PCDHA2: variants seen among roughly 807,000 people sequenced by gnomAD.
The protein encoded by PCDHA2 is protocadherin alpha-2.
Under a neutral mutation model 66.0 loss-of-function variants are expected in PCDHA2, and 58 were observed. The observed-to-expected ratio is 0.88, with a 90% CI of 0.71 to 1.09. PCDHA2 has a LOEUF of 1.09. PCDHA2 is among the 50% of genes least tolerant of loss of function. The probability of loss-of-function intolerance (pLI) is 0.00; values close to 1 mark genes in which losing one functional copy is unlikely to be tolerated. For missense variants in PCDHA2, 1,267 were observed against 1,242.3 expected (o/e 1.02, Z -0.30); for synonymous variants, 634 against 554.0 (o/e 1.14, Z -2.03).
In PCDHA2 at chr5:140,851,227, T is replaced by C; in HGVS notation, c.2388+53875T>C. On this transcript the variant is annotated intron_variant, in intron 1 of 3. Coordinates refer to ENST00000526136, the MANE Select transcript of PCDHA2 (RefSeq NM_018905.3). ...TCATTAAACATTAACATCACTATCA[T>C]TTATTTATTGCTAAATGATGCATAG... The C allele has an allele frequency of 4.4e-6, 5 of 1,142,852 alleles. 1 individual carries two copies. In the South Asian group the frequency reaches 1.4e-4, roughly 31 times the overall value. The allele number at this position is 1,142,852 out of a possible 1,614,324, so 70.8% of individuals were successfully genotyped here. A position where few individuals can be genotyped will look rare whatever the true frequency, so the allele number is the denominator to read the frequency against.
At chr5:141,005,701 C>CA (rs59860837) in intron 3 of PCDHA2, among the ~76,000 whole-genome samples, 506 of 7,758 alleles carry the variant, frequency 0.065, 109 homozygotes, top group Non-Finnish European at 0.076. Context: ...AACTCCGTCT[C>CA]AAAAAAAAAA....
At chr5:140,929,503 G>A in intron 1 of PCDHA2, 1 of 886,378 alleles carries the variant, frequency 1.1e-6, no homozygotes, top group Non-Finnish European at 1.6e-6. Context: ...ATTGCCCTAG[G>A]CCTCAAGGGA....
Position 140,892,511 on chromosome 5 carries a change from C to T in PCDHA2, c.2389-86438C>T, listed in dbSNP as rs115588708. Among the ~76,000 whole-genome samples the T allele has an allele frequency of 8.0e-3, 1,214 of 152,282 alleles. 6 individuals carry two copies. Among genetic ancestry groups the T allele is most frequent in the African/African-American group, 0.019 (784 of 41,558 alleles). On this transcript the variant is annotated intron_variant, in intron 1 of 3. Coordinates refer to ENST00000526136, the MANE Select transcript of PCDHA2 (RefSeq NM_018905.3). ...TGAGAGATTGTTTAAGAAGTTCCAC[C>T]ATGACTGGTAGACTCAGGATTCTGA...
chr5:140,967,040 C>G, intron 1 of PCDHA2: 1 of 1,611,752 alleles, frequency 6.2e-7, no homozygotes, highest in South Asian at 1.1e-5. Flanking sequence ...CTACCTGGAG[C>G]TGGACCTGAC....
intron 1 of PCDHA2, chr5:140,853,468 T>A: frequency 1.0e-6 from 1 of 970,862 alleles, no homozygotes. Flanking sequence ...TATGCATCTG[T>A]AGTTAACATT....
chr5:140,839,760 C>T (rs1554137571), intron 1 of PCDHA2, among the ~76,000 whole-genome samples: 1 of 151,820 alleles, frequency 6.6e-6, no homozygotes, highest in Admixed American at 6.6e-5. Flanking sequence ...CCTATTTAAC[C>T]TACGTTTTTG....
intron 1 of PCDHA2, chr5:140,848,788 G>T: frequency 6.3e-7 from 1 of 1,593,178 alleles, no homozygotes; most frequent in Non-Finnish European, 8.6e-7. Flanking sequence ...CTGTGCGGGC[G>T]GAGCGCGGAG....
intron 1 of PCDHA2, chr5:140,927,256 CCT>C (rs2084020732): frequency 1.2e-6 from 2 of 1,614,144 alleles, no homozygotes; most frequent in Non-Finnish European, 1.7e-6. Flanking sequence ...TGACAACTCA[CCT>C]CTCTTTCCTG....
rs138887896 is a variant in PCDHA2 at position 140,795,765 on chromosome 5, T to A, written c.801T>A (p.Ser267=). ...CCTTAGTGGTTAAGTTAAACGCTTC[T>A]GATGCAGATGAAGGACCGAACAGCG... The part of the protein sequence containing the change: ...NGTLVVKLNA[S]DADEGPNSEI... Residue 267 remains serine (S), a synonymous_variant, in exon 1 of 4, where the codon TCT becomes TCA. Coordinates refer to ENST00000526136, the MANE Select transcript of PCDHA2 (RefSeq NM_018905.3). The A allele has an allele frequency of 1.9e-6, 3 of 1,613,906 alleles. No homozygotes were observed. The highest frequency in any genetic ancestry group is 1.7e-6 in the Non-Finnish European group (2 of 1,180,004).
chr5:140,828,877 C>G (rs2150160055), intron 1 of PCDHA2: 9 of 1,614,072 alleles, frequency 5.6e-6, no homozygotes, highest in Non-Finnish European at 7.6e-6. Context: ...CAACAGTTAT[C>G]AGACTGAATG....
At chr5:140,824,937 T>C (rs1164834438) in intron 1 of PCDHA2, 1 of 152,184 alleles carries the variant, frequency 6.6e-6, no homozygotes, top group African/African-American at 2.4e-5. Flanking sequence ...ATTTGATAAT[T>C]GTAATTTAAA....
chr5:140,943,529 A>C (rs1291911076), intron 1 of PCDHA2, among the ~76,000 whole-genome samples: 1 of 152,220 alleles, frequency 6.6e-6, no homozygotes, highest in Non-Finnish European at 1.5e-5. Flanking sequence ...TCAGTATGCA[A>C]AATGTCATGT....
intron 1 of PCDHA2, chr5:140,877,659 G>A (rs1554169954): frequency 9.3e-6 from 15 of 1,613,500 alleles, no homozygotes; most frequent in Admixed American, 1.7e-5. Flanking sequence ...CGCCCACCGT[G>A]AGCCGGTGCG....
chr5:140,828,693 A>G (rs2150157949), intron 1 of PCDHA2: 9 of 1,614,130 alleles, frequency 5.6e-6, no homozygotes, highest in South Asian at 1.1e-5. Flanking sequence ...AAATCCTTGG[A>G]CAGAGAGGAA....
At chr5:141,006,169 A>G (rs553035949) in intron 3 of PCDHA2, among the ~76,000 whole-genome samples, 4 of 149,840 alleles carry the variant, frequency 2.7e-5, no homozygotes, top group Non-Finnish European at 5.9e-5. Flanking sequence ...TCTGATTTAT[A>G]TTTTTAAAAG....
intron 1 of PCDHA2, chr5:140,876,824 A>G (rs1554168970): frequency 1.2e-6 from 2 of 1,614,116 alleles, no homozygotes; most frequent in Non-Finnish European, 1.7e-6. Context: ...GTGAACGACA[A>G]TGCGCCTGCG....
intron 1 of PCDHA2, among the ~76,000 whole-genome samples, chr5:140,837,935 T>TC (rs1775325521): frequency 6.6e-6 from 1 of 151,856 alleles, no homozygotes; most frequent in Non-Finnish European, 1.5e-5. Flanking sequence ...TACCTTGGCC[T>TC]CCCAAAGTAT....
intron 3 of PCDHA2, among the ~76,000 whole-genome samples, chr5:140,992,217 C>T (rs1281643880): frequency 6.6e-6 from 1 of 152,088 alleles, no homozygotes; most frequent in Non-Finnish European, 1.5e-5. Flanking sequence ...AACTACTCTC[C>T]CTTCCTGGGA....
Position 140,843,393 on chromosome 5 carries a change from C to T in PCDHA2, c.2388+46041C>T. ...TCGGCTGGCGTTTTGGGTCCGGAAG[C>T]GGCGCTGGTGGATGTCAACGTGTAC... On this transcript the variant is annotated intron_variant, in intron 1 of 3. Coordinates refer to ENST00000526136, the MANE Select transcript of PCDHA2 (RefSeq NM_018905.3). The T allele has an allele frequency of 1.9e-6, 3 of 1,596,052 alleles. 1 individual carries two copies. Among genetic ancestry groups the T allele is most frequent in the South Asian group, 2.2e-5 (2 of 90,510 alleles).
Sources: gnomAD v4.1 joint callset for allele counts (sites outside exome capture counted in the v4.1 genomes callset) on GRCh38, gnomAD v4.1.1 for gene constraint, MANE v1.5 for transcripts, NCBI Gene and HGNC (gene_info 2026-07-23, HGNC 2026-07-21) for gene names.